The following PTPRD variants were observed in gnomAD, a reference collection of about 807,000 sequenced individuals.
PTPRD encodes the protein protein tyrosine phosphatase receptor type D, also known as receptor-type tyrosine-protein phosphatase delta.
A neutral mutation model predicts 214.5 loss-of-function variants in PTPRD; 34 were observed. The ratio of observed to expected loss-of-function variants is 0.16; its 90% CI spans 0.12 to 0.21. PTPRD has a LOEUF of 0.21. Among genes scored for constraint, PTPRD ranks in the 10% least tolerant of loss-of-function variants. The pLI, the probability that PTPRD is intolerant of heterozygous loss-of-function variation, is 1.00. For synonymous variants in PTPRD, 1,128 were observed against 845.7 expected (o/e 1.33, Z -5.79); for missense variants, 2,545 against 2,398.7 (o/e 1.06, Z -1.27).
At chr9:9,969,741 T>G (rs2094959985) in intron 4 of PTPRD, among the ~76,000 whole-genome samples, 1 of 152,250 alleles carries the variant, frequency 6.6e-6, no homozygotes, top group African/African-American at 2.4e-5. Flanking sequence ...TCATTTTAAG[T>G]GGCAATGCCC....
At chr9:9,181,206 C>A (rs1220405278) in intron 10 of PTPRD, among the ~76,000 whole-genome samples, 3 of 151,804 alleles carry the variant, frequency 2.0e-5, no homozygotes, top group Non-Finnish European at 2.9e-5. Context: ...CAAATGATTT[C>A]AATAATAATC....
intron 2 of PTPRD, among the ~76,000 whole-genome samples, chr9:10,347,254 C>T (rs2097100640): frequency 6.6e-6 from 1 of 151,996 alleles, no homozygotes; most frequent in Non-Finnish European, 1.5e-5. Flanking sequence ...TGTTTTTCCT[C>T]CATGTATTTT....
At chr9:9,142,345 A>G (rs1379210599) in intron 10 of PTPRD, among the ~76,000 whole-genome samples, 5 of 152,224 alleles carry the variant, frequency 3.3e-5, no homozygotes, top group Non-Finnish European at 7.3e-5. Flanking sequence ...AGTGAGTTAT[A>G]GTCTCCCTAG....
intron 7 of PTPRD, among the ~76,000 whole-genome samples, chr9:9,669,751 G>C (rs145273306): frequency 1.4e-3 from 212 of 152,022 alleles, no homozygotes; most frequent in African/African-American, 4.7e-3. Flanking sequence ...TAATTCAAAA[G>C]TCCCCATATA....
At chr9:9,065,711 A>G (rs1023014674) in intron 10 of PTPRD, among the ~76,000 whole-genome samples, 2 of 152,248 alleles carry the variant, frequency 1.3e-5, no homozygotes, top group Admixed American at 6.5e-5. Flanking sequence ...AGAGTTTTAG[A>G]CTACAAACTT....
chr9:8,523,977 G>A (rs1466658723), intron 18 of PTPRD, among the ~76,000 whole-genome samples: 1 of 152,086 alleles, frequency 6.6e-6, no homozygotes, highest in Non-Finnish European at 1.5e-5. Context: ...CCATCCTATT[G>A]TAACTTAAAG....
intron 5 of PTPRD, among the ~76,000 whole-genome samples, chr9:9,905,764 AACAG>A (rs1242585170): frequency 5.9e-4 from 90 of 152,032 alleles, no homozygotes; most frequent in Non-Finnish European, 1.5e-4. Flanking sequence ...CGAGTAGATA[AACAG>A]ACAAAGAATA....
chr9:8,508,919 G>A (rs995396157), intron 21 of PTPRD, among the ~76,000 whole-genome samples: 2 of 150,422 alleles, frequency 1.3e-5, no homozygotes, highest in Admixed American at 6.6e-5. Context: ...GTGTGTGTGT[G>A]TGTGTGTAAA....
chr9:9,538,106 G>C (rs1334322579), intron 8 of PTPRD, among the ~76,000 whole-genome samples: 3 of 151,830 alleles, frequency 2.0e-5, no homozygotes, highest in Non-Finnish European at 4.4e-5. Flanking sequence ...TATACCACTA[G>C]ATCAAATCAG....
At chr9:10,060,804 CT>C (rs1244738572) in intron 3 of PTPRD, among the ~76,000 whole-genome samples, 1 of 101,818 alleles carries the variant, frequency 9.8e-6, no homozygotes, top group Non-Finnish European at 1.9e-5. Flanking sequence ...TTCTTTCTTC[CT>C]TTCTTTCTTT....
At chr9:10,309,896 C>T (rs1200313040) in intron 3 of PTPRD, among the ~76,000 whole-genome samples, 7 of 152,014 alleles carry the variant, frequency 4.6e-5, no homozygotes, top group African/African-American at 1.7e-4. Flanking sequence ...TGTGTTAGCA[C>T]CTTATCACTT....
At chr9:10,361,119 A>G (rs2097379622) in intron 2 of PTPRD, among the ~76,000 whole-genome samples, 1 of 152,068 alleles carries the variant, frequency 6.6e-6, no homozygotes, top group Non-Finnish European at 1.5e-5. Flanking sequence ...ACAAACAAAT[A>G]AACAAAAAAT....
chr9:10,530,761 T>C (rs536417534), intron 2 of PTPRD, among the ~76,000 whole-genome samples: 31 of 152,260 alleles, frequency 2.0e-4, no homozygotes, highest in Non-Finnish European at 4.1e-4. Context: ...CTATAATGTA[T>C]TGAACTAGAA....
intron 11 of PTPRD, among the ~76,000 whole-genome samples, chr9:8,825,124 C>G (rs2082631): frequency 6.6e-6 from 1 of 151,974 alleles, no homozygotes; most frequent in Non-Finnish European, 1.5e-5. Flanking sequence ...GGGTAAATTT[C>G]TTTCTTTTTG....
intron 2 of PTPRD, among the ~76,000 whole-genome samples, chr9:10,550,577 G>A (rs541726734): frequency 3.3e-5 from 5 of 152,158 alleles, no homozygotes; most frequent in Non-Finnish European, 5.9e-5. Flanking sequence ...TGAAAGACAG[G>A]AAGGCTGGTA....
At chr9:10,272,685 T>C (rs1447435269) in intron 3 of PTPRD, among the ~76,000 whole-genome samples, 1 of 152,212 alleles carries the variant, frequency 6.6e-6, no homozygotes, top group Non-Finnish European at 1.5e-5. Flanking sequence ...CCCCTAGTGT[T>C]TGAACTCACA....
At chr9:9,300,064 C>T (rs1359440620) in intron 9 of PTPRD, among the ~76,000 whole-genome samples, 1 of 150,136 alleles carries the variant, frequency 6.7e-6, no homozygotes, top group Non-Finnish European at 1.5e-5. Flanking sequence ...ATTCTGTCCA[C>T]CTCTATGGCC....
In PTPRD at chr9:10,278,446, T is replaced by A. The variant is rs142518216; in HGVS notation, c.-545+62517A>T. Among the ~76,000 whole-genome samples, 658 of 152,244 alleles carry A rather than the reference T, an allele frequency of 4.3e-3. 6 individuals carry two copies. Among genetic ancestry groups the A allele is most frequent in the African/African-American group, 0.015 (630 of 41,564 alleles). ...GAGGGAGAGGCTCAGATTTGCTGCA[T>A]TGCCTCCCTCCAAAATCAGACAACT... On this transcript the variant is annotated intron_variant, in intron 3 of 45. Coordinates refer to ENST00000381196, the MANE Select transcript of PTPRD (RefSeq NM_002839.4).
intron 11 of PTPRD, among the ~76,000 whole-genome samples, chr9:8,819,839 G>C (rs571616315): frequency 5.3e-4 from 81 of 152,236 alleles, no homozygotes; most frequent in Middle Eastern, 3.4e-3. Context: ...CATACAATCA[G>C]AGAGCACAAA....
Sources: gnomAD v4.1 joint callset for allele counts (sites outside exome capture counted in the v4.1 genomes callset) on GRCh38, gnomAD v4.1.1 for gene constraint, MANE v1.5 for transcripts, NCBI Gene and HGNC (gene_info 2026-07-23, HGNC 2026-07-21) for gene names.